CADPS2: variants seen among roughly 807,000 people sequenced by gnomAD.
CADPS2 encodes calcium dependent secretion activator 2.
In CADPS2, 93 loss-of-function variants were observed where a neutral mutation model predicts 172.5. That is an observed-to-expected ratio of 0.54 (90% CI 0.46 to 0.64). The LOEUF (loss-of-function observed/expected upper bound fraction) is 0.64, where lower values mean the gene tolerates loss of function less well. Among genes scored for constraint, CADPS2 ranks in the 30% least tolerant of loss-of-function variants. The pLI, the probability that CADPS2 is intolerant of heterozygous loss-of-function variation, is 0.00. For missense variants in CADPS2, 1,420 were observed against 1,565.9 expected (o/e 0.91, Z 1.57); for synonymous variants, 546 against 555.2 (o/e 0.98, Z 0.23).
intron 1 of CADPS2, among the ~76,000 whole-genome samples, chr7:122,850,979 A>C (rs1813420577): frequency 1.3e-5 from 2 of 151,904 alleles, no homozygotes; most frequent in African/African-American, 4.8e-5. Flanking sequence ...GTATCTCTCT[A>C]CTCCCACTAA....
In CADPS2 at chr7:122,454,839, T is replaced by C. The variant is rs1236429148; in HGVS notation, c.2187-3364A>G. Among the ~76,000 whole-genome samples the C allele has an allele frequency of 5.9e-5, 9 of 152,282 alleles. No homozygotes were observed. The South Asian group carries it at 1.7e-3, about 28-fold the overall frequency. On this transcript the variant is annotated intron_variant, in intron 14 of 29. Coordinates refer to ENST00000449022, the MANE Select transcript of CADPS2 (RefSeq NM_017954.11). ...CTCTACCTTCAAAACACACCCAGAA[T>C]GTGACCTTCCCTCACCATATCCACC...
intron 6 of CADPS2, among the ~76,000 whole-genome samples, chr7:122,600,266 T>G (rs1305195596): frequency 6.6e-6 from 1 of 151,986 alleles, no homozygotes; most frequent in Non-Finnish European, 1.5e-5. Flanking sequence ...GCAACAAAGC[T>G]AAGCTGAGAT....
At chr7:122,575,004 T>C (rs2067804021) in intron 7 of CADPS2, among the ~76,000 whole-genome samples, 1 of 152,140 alleles carries the variant, frequency 6.6e-6, no homozygotes, top group African/African-American at 2.4e-5. Flanking sequence ...TTTGATAAGA[T>C]GCAACGGGAA....
intron 9 of CADPS2, among the ~76,000 whole-genome samples, chr7:122,506,880 AT>A (rs2059650181): frequency 6.6e-6 from 1 of 152,138 alleles, no homozygotes; most frequent in Non-Finnish European, 1.5e-5. Context: ...CGGTGTACAA[AT>A]TAGAGAAAGA....
chr7:122,660,585 C>T (rs917566006), intron 3 of CADPS2, among the ~76,000 whole-genome samples: 1 of 147,732 alleles, frequency 6.8e-6, no homozygotes, highest in African/African-American at 2.5e-5. Flanking sequence ...CATTAAAAGA[C>T]CAAGATGATC....
At chr7:122,537,104 A>G (rs556138068) in intron 8 of CADPS2, among the ~76,000 whole-genome samples, 20 of 152,100 alleles carry the variant, frequency 1.3e-4, no homozygotes, top group African/African-American at 4.8e-4. Context: ...AATAATCTGT[A>G]TAACAAACCT....
At chr7:122,488,690 C>G (rs1393894245) in intron 11 of CADPS2, among the ~76,000 whole-genome samples, 1 of 152,214 alleles carries the variant, frequency 6.6e-6, no homozygotes, top group Non-Finnish European at 1.5e-5. Flanking sequence ...TATGCAATCC[C>G]TCTGAAACTT....
At chr7:122,325,050 GT>G (rs1434106879) in intron 29 of CADPS2, among the ~76,000 whole-genome samples, 2 of 151,946 alleles carry the variant, frequency 1.3e-5, no homozygotes, top group Admixed American at 1.3e-4. Context: ...TATTACTTTC[GT>G]ACCAGCATAT....
chr7:122,603,948 G>C (rs1172503302), intron 6 of CADPS2, among the ~76,000 whole-genome samples: 1 of 152,080 alleles, frequency 6.6e-6, no homozygotes, highest in Non-Finnish European at 1.5e-5. Flanking sequence ...AGATGAACAA[G>C]TTCTAAGAAC....
chr7:122,762,410 C>G (rs1173473910), intron 1 of CADPS2, among the ~76,000 whole-genome samples: 1 of 151,976 alleles, frequency 6.6e-6, no homozygotes, highest in African/African-American at 2.4e-5. Flanking sequence ...GAGTTCCCAA[C>G]AAGGATGGAA....
At position 122,574,642 on chromosome 7, in the gene CADPS2, G is replaced by GA. The variant is rs992645645; in HGVS notation, c.1335+6536dup. Among the ~76,000 whole-genome samples, 422 of 139,932 alleles carry GA rather than the reference G, an allele frequency of 3.0e-3. 1 individual carries two copies. The highest frequency in any genetic ancestry group is 9.0e-3 in the African/African-American group (344 of 38,120). 91.8% of individuals were successfully genotyped at this position (139,932 alleles called of 152,430 possible). ...AGACCAATAGGTACATGATTTAAAA[G>GA]AAAAAAAAAACATATTGGTGCTGTG... On this transcript the variant is annotated intron_variant, in intron 7 of 29. Coordinates refer to ENST00000449022, the MANE Select transcript of CADPS2 (RefSeq NM_017954.11).
chr7:122,510,743 G>A (rs1398938513), intron 9 of CADPS2, among the ~76,000 whole-genome samples: 1 of 152,136 alleles, frequency 6.6e-6, no homozygotes, highest in Non-Finnish European at 1.5e-5. Context: ...CCTACAAACT[G>A]TGTGTGGATA....
At chr7:122,877,766 T>C (rs1821596722) in intron 1 of CADPS2, among the ~76,000 whole-genome samples, 1 of 152,160 alleles carries the variant, frequency 6.6e-6, no homozygotes, top group Non-Finnish European at 1.5e-5. Context: ...CAAACAGGTT[T>C]AATTAACAAC....
rs2055983703 is a variant in CADPS2 at position 122,471,758 on chromosome 7, T to TA, written c.1999-197dup. Among the ~76,000 whole-genome samples, 3 of 152,152 alleles carry TA rather than the reference T, an allele frequency of 2.0e-5. No homozygotes were observed. In the South Asian group the frequency reaches 6.2e-4, roughly 32 times the overall value. On this transcript the variant is annotated intron_variant, in intron 13 of 29. Transcript: ENST00000449022. ...ATTTGGGACACTGGCAACCTAATGC[T>TA]ATTCTCTTTTTACTGTCACAGCAAG...
At chr7:122,652,694 T>C (rs2079294905) in intron 3 of CADPS2, among the ~76,000 whole-genome samples, 1 of 152,188 alleles carries the variant, frequency 6.6e-6, no homozygotes, top group African/African-American at 2.4e-5. Context: ...TTTCTTAATA[T>C]TTTGTTCTAT....
chr7:122,422,503 C>T (rs1427881197), intron 17 of CADPS2, among the ~76,000 whole-genome samples: 2 of 152,088 alleles, frequency 1.3e-5, no homozygotes, highest in African/African-American at 2.4e-5. Flanking sequence ...CCTAGCTGTT[C>T]CCCCTGCAGA....
At chr7:122,643,377 C>G (rs999486256) in intron 3 of CADPS2, among the ~76,000 whole-genome samples, 1 of 152,196 alleles carries the variant, frequency 6.6e-6, no homozygotes, top group Non-Finnish European at 1.5e-5. Flanking sequence ...CTGCTGTTTT[C>G]TTTGCTGGCT....
intron 2 of CADPS2, among the ~76,000 whole-genome samples, chr7:122,729,309 A>C (rs1035949648): frequency 6.6e-6 from 1 of 151,836 alleles, no homozygotes; most frequent in Non-Finnish European, 1.5e-5. Flanking sequence ...TGCTATTGGG[A>C]ATAGTGCCAC....
chr7:122,736,894 AAAT>A lies in CADPS2; in HGVS notation c.453+58_453+60del, dbSNP rs1396050131. On this transcript the variant is annotated intron_variant, in intron 2 of 29. Transcript: ENST00000449022. Reference sequence around the variant, plus strand: ...CTTCTTTAAAATGAGAAACCCATAAAAATAATAAAACTCCTTTTAAAATGCATC... The same window carrying A: ...CTTCTTTAAAATGAGAAACCCATAAAAATAAAACTCCTTTTAAAATGCATC... The A allele has an allele frequency of 4.2e-5, 37 of 875,112 alleles. No individual in the cohort carries two copies. In the African/African-American group the frequency reaches 5.4e-4, roughly 13 times the overall value. The allele number at this position is 875,112 out of a possible 1,614,324, so 54.2% of individuals were successfully genotyped here.
Sources: gnomAD v4.1 joint callset for allele counts (sites outside exome capture counted in the v4.1 genomes callset) on GRCh38, gnomAD v4.1.1 for gene constraint, MANE v1.5 for transcripts, NCBI Gene and HGNC (gene_info 2026-07-23, HGNC 2026-07-21) for gene names.